The following KIAA1217 variants were observed in gnomAD, a reference collection of about 807,000 sequenced individuals.
The protein encoded by KIAA1217 is sickle tail protein homolog.
Under a neutral mutation model 163.9 loss-of-function variants are expected in KIAA1217, and 88 were observed. The ratio of observed to expected loss-of-function variants is 0.54; its 90% confidence interval spans 0.45 to 0.64. KIAA1217 has a LOEUF of 0.64. KIAA1217 is among the 30% of genes least tolerant of loss of function. The pLI is 0.00. For synonymous variants in KIAA1217, 903 were observed against 923.1 expected (o/e 0.98, Z 0.39); for missense variants, 2,372 against 2,475.0 (o/e 0.96, Z 0.88).
At chr10:24,201,865 C>A (rs1043823368) in intron 2 of KIAA1217, among the ~76,000 whole-genome samples, 35 of 152,326 alleles carry the variant, frequency 2.3e-4, no homozygotes, top group African/African-American at 8.4e-4. Context: ...AAAGCAGGGG[C>A]TACAGTGAGC....
chr10:23,989,871 C>T (rs992705094), intron 1 of KIAA1217, among the ~76,000 whole-genome samples: 2 of 152,140 alleles, frequency 1.3e-5, no homozygotes, highest in Non-Finnish European at 2.9e-5. Flanking sequence ...CTGCACATTG[C>T]TTCATCTTTT....
At chr10:24,039,808 A>C (rs779478065) in intron 2 of KIAA1217, among the ~76,000 whole-genome samples, 4 of 50,286 alleles carry the variant, frequency 8.0e-5, no homozygotes, top group Non-Finnish European at 2.8e-4. Context: ...ATAGATATAG[A>C]TATAGATATA....
At chr10:24,401,261 A>G (rs975630637) in intron 3 of KIAA1217, among the ~76,000 whole-genome samples, 1 of 151,990 alleles carries the variant, frequency 6.6e-6, no homozygotes, top group African/African-American at 2.4e-5. Flanking sequence ...CTACTTTAAG[A>G]TAAACAAGAT....
chr10:24,441,207 GTC>G (rs1012071592), intron 5 of KIAA1217, among the ~76,000 whole-genome samples: 2 of 152,176 alleles, frequency 1.3e-5, no homozygotes, highest in African/African-American at 2.4e-5. Flanking sequence ...ACATGAGTCA[GTC>G]ACTGCAGTCC....
chr10:24,480,076 C>G (rs1435365612), intron 6 of KIAA1217, among the ~76,000 whole-genome samples: 7 of 152,208 alleles, frequency 4.6e-5, no homozygotes, highest in Non-Finnish European at 2.9e-5. Context: ...TCTCTGGCCT[C>G]TACCCACTGG....
chr10:24,194,748 A>T (rs12761936), intron 2 of KIAA1217, among the ~76,000 whole-genome samples: 79,900 of 144,130 alleles, frequency 0.55, 23,127 homozygotes, highest in Middle Eastern at 0.69. Context: ...CTATAGTCAC[A>T]CCCAGCCAAT....
chr10:24,280,825 A>AG (rs1334009940), intron 2 of KIAA1217, among the ~76,000 whole-genome samples: 1 of 151,922 alleles, frequency 6.6e-6, no homozygotes, highest in East Asian at 1.9e-4. Context: ...AAAAAAAAAA[A>AG]AGAATAAACC....
At chr10:24,096,742 A>T (rs532597584) in intron 2 of KIAA1217, among the ~76,000 whole-genome samples, 1 of 152,178 alleles carries the variant, frequency 6.6e-6, no homozygotes, top group African/African-American at 2.4e-5. Flanking sequence ...CTCAGCTGAA[A>T]TGCCACTTCT....
chr10:24,479,455 T>C (rs1274514497), intron 6 of KIAA1217, among the ~76,000 whole-genome samples: 1 of 152,158 alleles, frequency 6.6e-6, no homozygotes, highest in Non-Finnish European at 1.5e-5. Context: ...CTTGCTGGTA[T>C]AGTAAAAAGT....
chr10:23,954,008 A>G (rs1033246706), intron 1 of KIAA1217, among the ~76,000 whole-genome samples: 1 of 152,180 alleles, frequency 6.6e-6, no homozygotes, highest in Non-Finnish European at 1.5e-5. Context: ...GAAACCAACA[A>G]TCGTTTAATT....
chr10:23,972,286 C>A (rs1237648617), intron 1 of KIAA1217, among the ~76,000 whole-genome samples: 1 of 152,224 alleles, frequency 6.6e-6, no homozygotes, highest in African/African-American at 2.4e-5. Context: ...AAATATAAAT[C>A]ATTCTACTAT....
intron 1 of KIAA1217, among the ~76,000 whole-genome samples, chr10:23,701,442 A>G (rs1241984734): frequency 2.6e-5 from 4 of 152,058 alleles, no homozygotes; most frequent in African/African-American, 9.7e-5. Context: ...TCGTCCTCAA[A>G]TGGGTTGGCC....
chr10:24,081,096 C>A (rs2061523542), intron 2 of KIAA1217, among the ~76,000 whole-genome samples: 1 of 152,120 alleles, frequency 6.6e-6, no homozygotes, highest in African/African-American at 2.4e-5. Flanking sequence ...ATCTTTTCTC[C>A]TGCATGTTTG....
At chr10:24,024,787 TG>T (rs1232135894) in intron 2 of KIAA1217, among the ~76,000 whole-genome samples, 1 of 151,768 alleles carries the variant, frequency 6.6e-6, no homozygotes, top group African/African-American at 2.4e-5. Context: ...TCATGAGCAA[TG>T]ATGTTGAGCA....
At chr10:24,374,622 A>T (rs1033757844) in intron 2 of KIAA1217, among the ~76,000 whole-genome samples, 20 of 152,292 alleles carry the variant, frequency 1.3e-4, no homozygotes, top group African/African-American at 4.6e-4. Context: ...TTTTAGAATC[A>T]TGGGTGTCTC....
chr10:23,725,216 G>A (rs1417053052), intron 1 of KIAA1217, among the ~76,000 whole-genome samples: 2 of 152,174 alleles, frequency 1.3e-5, no homozygotes, highest in African/African-American at 4.8e-5. Flanking sequence ...CCTATGCTGT[G>A]GAGCAGGACC....
intron 1 of KIAA1217, among the ~76,000 whole-genome samples, chr10:23,814,265 C>G (rs1837216592): frequency 6.6e-6 from 1 of 152,106 alleles, no homozygotes; most frequent in South Asian, 2.1e-4. Context: ...CATTCTGCTC[C>G]TATATCTGGG....
chr10:24,508,185 G>GT (rs796914559), intron 9 of KIAA1217, among the ~76,000 whole-genome samples: 38 of 152,194 alleles, frequency 2.5e-4, no homozygotes, highest in African/African-American at 8.4e-4. Flanking sequence ...TTATCCTGGG[G>GT]TTTTATTCCA....
chr10:23,720,318 CT>C (rs1239607694), intron 1 of KIAA1217, among the ~76,000 whole-genome samples: 1 of 152,050 alleles, frequency 6.6e-6, no homozygotes, highest in Non-Finnish European at 1.5e-5. Flanking sequence ...AATTGTAAAA[CT>C]ATGTGTGTCA....
Sources: allele counts gnomAD v4.1 joint callset (sites outside exome capture counted in the v4.1 genomes callset), GRCh38; gene constraint gnomAD v4.1.1; transcripts MANE v1.5; gene names NCBI Gene and HGNC (gene_info 2026-07-23, HGNC 2026-07-21).